The following STYX variants were observed in gnomAD, a reference collection of about 807,000 sequenced individuals.
The protein encoded by STYX is serine/threonine/tyrosine interacting protein.
A neutral mutation model predicts 42.7 loss-of-function variants in STYX; 20 were observed. The ratio of observed to expected loss-of-function variants is 0.47; its 90% CI spans 0.33 to 0.68. The LOEUF (loss-of-function observed/expected upper bound fraction) is 0.68. Among genes scored for constraint, STYX ranks in the 30% least tolerant of loss-of-function variants. STYX has a pLI of 0.02. For missense variants in STYX, 226 were observed against 268.5 expected (o/e 0.84, Z 1.11); for synonymous variants, 78 against 81.9 (o/e 0.95, Z 0.26).
At chr14:52,760,784 T>C (rs1882059506) in intron 9 of STYX, among the ~76,000 whole-genome samples, 1 of 150,886 alleles carries the variant, frequency 6.6e-6, no homozygotes, top group Admixed American at 6.6e-5. Context: ...GAAAACATTG[T>C]TTTTTTTCAT....
intron 1 of STYX, among the ~76,000 whole-genome samples, 154 bp downstream of exon 1, chr14:52,730,685 A>G (rs905834262): frequency 3.9e-5 from 6 of 152,306 alleles, no homozygotes; most frequent in East Asian, 3.9e-4. Flanking sequence ...GTCGGCTCCA[A>G]TCCCCACTGA....
At chr14:52,766,979 T>C (rs1414824688) in intron 9 of STYX, among the ~76,000 whole-genome samples, 1 of 152,178 alleles carries the variant, frequency 6.6e-6, no homozygotes, top group Non-Finnish European at 1.5e-5. Flanking sequence ...ACAATAATCC[T>C]TGACCTCACG....
At chr14:52,743,407 C>T (rs1881272740) in intron 1 of STYX, among the ~76,000 whole-genome samples, 1 of 151,776 alleles carries the variant, frequency 6.6e-6, no homozygotes, top group Admixed American at 6.6e-5. Flanking sequence ...CGGTGAAACC[C>T]CGTCTCTACT....
chr14:52,750,956 T>C (rs1188438307), intron 4 of STYX, among the ~76,000 whole-genome samples, 176 bp downstream of exon 4: 1 of 152,056 alleles, frequency 6.6e-6, no homozygotes, highest in Admixed American at 6.6e-5. Flanking sequence ...TGCAGAATTC[T>C]AAAGGTTCAA....
intron 1 of STYX, among the ~76,000 whole-genome samples, chr14:52,741,202 A>G (rs1480705581): frequency 6.9e-6 from 1 of 145,572 alleles, no homozygotes; most frequent in Non-Finnish European, 1.5e-5. Flanking sequence ...TTGTGTGGAT[A>G]TATGTTTTTA....
chr14:52,770,911 A>G (rs1010938449), intron 10 of STYX, 122 bp from the exon 11 acceptor site: 13 of 590,482 alleles, frequency 2.2e-5, no homozygotes, highest in Non-Finnish European at 3.1e-5. Flanking sequence ...AAATTTTGCT[A>G]TATCAGTTGT....
At chr14:52,767,382 T>C (rs930030919) in intron 9 of STYX, among the ~76,000 whole-genome samples, 2 of 152,232 alleles carry the variant, frequency 1.3e-5, no homozygotes, top group Admixed American at 6.5e-5. Flanking sequence ...CTGCCATATT[T>C]TCTTTGATTA....
At chr14:52,763,748 A>G (rs1882189645) in intron 9 of STYX, among the ~76,000 whole-genome samples, 2 of 152,096 alleles carry the variant, frequency 1.3e-5, no homozygotes, top group South Asian at 4.1e-4. Flanking sequence ...AGTTGTTTTC[A>G]TGAATTTTAT....
intron 1 of STYX, among the ~76,000 whole-genome samples, chr14:52,730,860 C>G (rs1345015659): frequency 6.6e-6 from 1 of 152,242 alleles, no homozygotes; most frequent in Non-Finnish European, 1.5e-5. Flanking sequence ...TTGGTTTAGT[C>G]TCCTTTTGAG....
chr14:52,733,906 C>G (rs553193805), intron 1 of STYX, among the ~76,000 whole-genome samples: 102 of 152,274 alleles, frequency 6.7e-4, no homozygotes, highest in Non-Finnish European at 1.1e-3. Flanking sequence ...GCACTCCCCC[C>G]CGACCCCCGC....
At chr14:52,734,108 C>A (rs1880847269) in intron 1 of STYX, among the ~76,000 whole-genome samples, 1 of 152,164 alleles carries the variant, frequency 6.6e-6, no homozygotes, top group Non-Finnish European at 1.5e-5. Flanking sequence ...AAGTTGCAAA[C>A]GAAGATTCCA....
chr14:52,754,310 T>A (rs768424832), intron 4 of STYX, among the ~76,000 whole-genome samples: 12 of 152,162 alleles, frequency 7.9e-5, no homozygotes, highest in Non-Finnish European at 1.3e-4. Flanking sequence ...CCTCCCAGGC[T>A]CAAGCAATCT....
At chr14:52,770,572 G>A (rs922036954) in intron 10 of STYX, among the ~76,000 whole-genome samples, 9 of 151,976 alleles carry the variant, frequency 5.9e-5, no homozygotes, top group African/African-American at 2.2e-4. Context: ...CCTAGACTTC[G>A]ATAGCTTGAG....
At chr14:52,763,408 T>A (rs576821041) in intron 9 of STYX, among the ~76,000 whole-genome samples, 1 of 152,212 alleles carries the variant, frequency 6.6e-6, no homozygotes, top group African/African-American at 2.4e-5. Flanking sequence ...TTTAGTGTTG[T>A]TTGCTGCTGC....
chr14:52,731,992 G>T (rs1203065947), intron 1 of STYX, among the ~76,000 whole-genome samples: 1 of 148,458 alleles, frequency 6.7e-6, no homozygotes, highest in Non-Finnish European at 1.5e-5. Context: ...CTCCAGGCTG[G>T]TCTCGAACTC....
At chr14:52,753,774 C>A (rs1479684839) in intron 4 of STYX, among the ~76,000 whole-genome samples, 1 of 148,182 alleles carries the variant, frequency 6.7e-6, no homozygotes, top group Non-Finnish European at 1.5e-5. Context: ...CGGTTGAATC[C>A]ACAGGTATGA....
In STYX at chr14:52,730,282, C is replaced by T. The variant is rs569565647; in HGVS notation, c.-193C>T. On this transcript the variant is annotated 5_prime_UTR_variant, in exon 1 of 11. Transcript: ENST00000354586. ...GTGTAAGACGCCCGACCCTCCTCTT[C>T]CCTGTCTTCGCCGCCGCCGCTGCTG... 17 of 609,866 alleles carry T rather than the reference C, an allele frequency of 2.8e-5. No homozygotes were observed. The highest frequency in any genetic ancestry group is 4.7e-5 in the Non-Finnish European group (16 of 341,830). The allele number at this position is 609,866 out of a possible 1,614,324, so 37.8% of individuals were successfully genotyped here.
chr14:52,739,632 CTTTTTTTTTTT>C (rs58454717), intron 1 of STYX, among the ~76,000 whole-genome samples: 10 of 65,730 alleles, frequency 1.5e-4, no homozygotes, highest in Admixed American at 1.2e-3. Context: ...TCCTTTCTTT[CTTTTTTTTTTT>C]TTTTTTTTTT....
At chr14:52,737,789 G>C (rs367782780) in intron 1 of STYX, among the ~76,000 whole-genome samples, 2 of 152,128 alleles carry the variant, frequency 1.3e-5, no homozygotes, top group South Asian at 2.1e-4. Flanking sequence ...TAGACAGGCA[G>C]GGTTTTTTTG....
Sources: allele counts gnomAD v4.1 joint callset (sites outside exome capture counted in the v4.1 genomes callset), GRCh38; gene constraint gnomAD v4.1.1; transcripts MANE v1.5; gene names NCBI Gene and HGNC (gene_info 2026-07-23, HGNC 2026-07-21).